Variants in BOLL observed in about 807,000 individuals in gnomAD.
BOLL encodes the protein boule RNA binding protein.
BOLL carries 23 observed loss-of-function variants against 44.4 expected under a neutral mutation model. The ratio of observed to expected loss-of-function variants is 0.52; its 90% CI spans 0.37 to 0.73. The LOEUF (loss-of-function observed/expected upper bound fraction) is 0.73, where lower values mean the gene tolerates loss of function less well. Ranked by LOEUF, BOLL falls within the 30% of genes least tolerant of loss-of-function variation. The pLI, the probability that BOLL is intolerant of heterozygous loss-of-function variation, is 0.00. For synonymous variants in BOLL, 97 were observed against 110.8 expected (o/e 0.88, Z 0.78); for missense variants, 287 against 338.3 (o/e 0.85, Z 1.19).
At chr2:197,746,579 T>C (rs1195538002) in intron 9 of BOLL, among the ~76,000 whole-genome samples, 1 of 152,122 alleles carries the variant, frequency 6.6e-6, no homozygotes, top group East Asian at 1.9e-4. Context: ...ATTTCACTTA[T>C]GTGCAGAACG....
At chr2:197,750,373 C>T (rs1021749321) in intron 9 of BOLL, among the ~76,000 whole-genome samples, 8 of 152,092 alleles carry the variant, frequency 5.3e-5, no homozygotes, top group Admixed American at 3.3e-4. Context: ...AGAGTCAAGA[C>T]CCATTGGTGT....
intron 5 of BOLL, chr2:197,774,453 T>A (rs1005957419): frequency 2.0e-5 from 3 of 152,418 alleles, no homozygotes; most frequent in Non-Finnish European, 2.9e-5. Context: ...AAAATAGAGA[T>A]AACAATACAT....
chr2:197,760,254 AC>A (rs1342317720), intron 7 of BOLL, among the ~76,000 whole-genome samples: 1 of 152,198 alleles, frequency 6.6e-6, no homozygotes, highest in Non-Finnish European at 1.5e-5. Context: ...CCCCCAGCAG[AC>A]ATGCCCCTAG....
intron 9 of BOLL, among the ~76,000 whole-genome samples, chr2:197,749,861 A>G (rs1041999795): frequency 6.6e-6 from 1 of 152,134 alleles, no homozygotes; most frequent in South Asian, 2.1e-4. Flanking sequence ...ACAGGCCAAC[A>G]TTCAAATTTA....
At position 197,734,503 on chromosome 2, in the gene BOLL, C is replaced by T. The variant is rs187269326; in HGVS notation, c.829-5925G>A. Among the ~76,000 whole-genome samples the T allele has an allele frequency of 2.5e-4, 37 of 150,992 alleles. 2 individuals are homozygous for T. The highest frequency in any genetic ancestry group is 1.7e-3 in the Admixed American group (25 of 15,146). ...GTTATAAATCATGCTGATATAAAGA[C>T]GCACACGTATGTTTATCACGGCACT... is the stretch of plus-strand genomic sequence containing the variant. On this transcript the variant is annotated intron_variant, in intron 10 of 10. Transcript: ENST00000392296.
At chr2:197,781,650 C>A in intron 2 of BOLL, 72 bp downstream of exon 2, 1 of 1,307,614 alleles carries the variant, frequency 7.6e-7, no homozygotes, top group Non-Finnish European at 1.0e-6. Flanking sequence ...TATAGTTGCA[C>A]AAAGAAATAA....
chr2:197,751,666 C>CA (rs1178894219), intron 9 of BOLL, among the ~76,000 whole-genome samples: 1 of 151,926 alleles, frequency 6.6e-6, no homozygotes, highest in East Asian at 1.9e-4. Flanking sequence ...GCCTACTAAA[C>CA]AAAAAAAGTC....
chr2:197,735,653 C>G (rs936226288), intron 10 of BOLL, among the ~76,000 whole-genome samples: 2 of 152,094 alleles, frequency 1.3e-5, no homozygotes, highest in African/African-American at 2.4e-5. Context: ...TCTATTATTT[C>G]TATAACTTCT....
intron 7 of BOLL, 35 bp downstream of exon 7, chr2:197,766,497 T>A (rs1428303874): frequency 6.5e-7 from 1 of 1,527,326 alleles, no homozygotes; most frequent in Admixed American, 1.7e-5. Flanking sequence ...GGACTGAAAG[T>A]TTCAGAGAGA....
At position 197,775,747 on chromosome 2, in the gene BOLL, TAAAG is replaced by T. The variant is rs755832267; in HGVS notation, c.277-11_277-8del. On this transcript the variant is annotated splice_region_variant and splice_polypyrimidine_tract_variant and intron_variant, in intron 4 of 10. Coordinates refer to ENST00000392296, the MANE Select transcript of BOLL (RefSeq NM_033030.6). ...TATAATTAAGTTTTTCAGCCTAAAA[TAAAG>T]AAAAAAGAAATTATTTTATTATTTT... The T allele has an allele frequency of 5.5e-6, 8 of 1,453,518 alleles. No homozygotes were observed. Among genetic ancestry groups the T allele is most frequent in the Non-Finnish European group, 7.4e-6 (8 of 1,075,688 alleles). 90.0% of individuals were successfully genotyped at this position (1,453,518 alleles called of 1,614,324 possible). A position where few individuals can be genotyped will look rare whatever the true frequency, so the allele number is the denominator to read the frequency against.
chr2:197,773,914 G>T (rs1226482252), intron 5 of BOLL: 3 of 355,646 alleles, frequency 8.4e-6, no homozygotes, highest in Non-Finnish European at 1.7e-5. Flanking sequence ...TGGGACTCGG[G>T]TGTTGGTAAT....
chr2:197,776,967 A>G (rs997381880), intron 4 of BOLL, 92 bp downstream of exon 4: 4 of 999,102 alleles, frequency 4.0e-6, no homozygotes, highest in Middle Eastern at 2.2e-4. Context: ...CCTTTTTTAA[A>G]AAGCAGTTGA....
rs1344560279 is a variant in BOLL at position 197,743,072 on chromosome 2, C to G, written c.817G>C (p.Glu273Gln). 1 of 1,590,288 alleles carries G rather than the reference C, an allele frequency of 6.3e-7. No individual in the cohort carries two copies. The highest frequency in any genetic ancestry group is 8.5e-7 in the Non-Finnish European group (1 of 1,169,876). ...AACAAATTTCTTACTTTAATTGGCT[C>G]AGGCTGCATCACAGGCGCAGGCATA... is the stretch of plus-strand genomic sequence containing the variant. ...ITMPAPVMQP[E>Q]PIKTVWSIHY Residue 273 changes from glutamate to glutamine, a missense_variant, in exon 10 of 11, where the codon GAG (glutamate) becomes CAG (glutamine). Glu to Gln is a conservative substitution (Grantham distance 29, BLOSUM62 2). Coordinates refer to ENST00000392296, the MANE Select transcript of BOLL (RefSeq NM_033030.6).
chr2:197,749,156 G>T lies in BOLL; in HGVS notation c.730-5997C>A, dbSNP rs538533082. On this transcript the variant is annotated intron_variant, in intron 9 of 10. Transcript: ENST00000392296. ...CTGCAGCAGAGGGGCCTGACTCTTA[G>T]AAGGAAAACTAACAAACAGAAAGCA... Among the ~76,000 whole-genome samples, 17 of 152,348 alleles carry T rather than the reference G, an allele frequency of 1.1e-4. No individual in the cohort carries two copies. In the South Asian group the frequency reaches 3.3e-3, roughly 30 times the overall value.
intron 2 of BOLL, among the ~76,000 whole-genome samples, chr2:197,780,934 C>A (rs996661981): frequency 1.3e-5 from 2 of 152,060 alleles, no homozygotes; most frequent in Non-Finnish European, 2.9e-5. Context: ...CTTACCTCCC[C>A]TATGTGGGCT....
rs1464564258 is a variant in BOLL at position 197,781,729 on chromosome 2, T to A, written c.122A>T (p.Asp41Val). Residue 41 changes from aspartate (D) to valine (V), a missense_variant, in exon 2 of 11, where the codon GAT (aspartate) becomes GTT (valine). Physicochemically the swap from Asp to Val is radical, Grantham distance 152. Transcript: ENST00000392296. ...GCATGCATAAATAGGTACCTTAAAATCAATTCCTCCTACAAAGATGCGATT... is the reference window on the plus strand; with the variant it reads ...GCATGCATAAATAGGTACCTTAAAAACAATTCCTCCTACAAAGATGCGATT... ...IPNRIFVGGI[D>V]FKTNESDLRK... 6.4e-7 allele frequency: 1 copy of A among 1,551,238 alleles called. No individual in the cohort carries two copies. Among genetic ancestry groups the A allele is most frequent in the African/African-American group, 1.3e-5 (1 of 74,240 alleles).
In BOLL at chr2:197,781,786, G is replaced by A. The variant is rs774476981; in HGVS notation, c.65C>T (p.Thr22Ile). Residue 22 changes from threonine to isoleucine, a missense_variant, in exon 2 of 11, where the codon ACA becomes ATA. By Grantham distance (89) the Thr-to-Ile change is moderately conservative. Transcript: ENST00000392296. ...CACTGTTCCATATCTTGGGGCACTT[G>A]TTGGGTTATTCAAAGGCACAGGTGA... ...PVSPVPLNNP[T>I]SAPRYGTVIP... The A allele has an allele frequency of 6.8e-6, 11 of 1,607,670 alleles. No individual in the cohort carries two copies. The highest frequency in any genetic ancestry group is 8.5e-6 in the Non-Finnish European group (10 of 1,175,662).
intron 10 of BOLL, among the ~76,000 whole-genome samples, chr2:197,733,988 T>C (rs1254485601): frequency 6.6e-6 from 1 of 151,864 alleles, no homozygotes; most frequent in Non-Finnish European, 1.5e-5. Context: ...CAAGAGCTTC[T>C]GCACAGCAAA....
chr2:197,735,185 T>A (rs1687427206), intron 10 of BOLL, among the ~76,000 whole-genome samples: 1 of 152,064 alleles, frequency 6.6e-6, no homozygotes, highest in Non-Finnish European at 1.5e-5. Flanking sequence ...CTTTTGGAAT[T>A]TTTTCTATTA....
Sources: allele counts gnomAD v4.1 joint callset (sites outside exome capture counted in the v4.1 genomes callset), GRCh38; gene constraint gnomAD v4.1.1; transcripts MANE v1.5; gene names NCBI Gene and HGNC (gene_info 2026-07-23, HGNC 2026-07-21).